Variants in CNTN4 observed in about 807,000 individuals in gnomAD.
CNTN4 encodes contactin-4.
Under a neutral mutation model 122.5 loss-of-function variants are expected in CNTN4, and 77 were observed. The ratio of observed to expected loss-of-function variants is 0.63; its 90% confidence interval spans 0.52 to 0.76. The LOEUF is 0.76. Among genes scored for constraint, CNTN4 ranks in the 30% least tolerant of loss-of-function variants. The probability of loss-of-function intolerance (pLI) is 0.00; values close to 1 mark genes in which losing one functional copy is unlikely to be tolerated. For synonymous variants in CNTN4, 512 were observed against 447.0 expected, an observed-to-expected ratio of 1.15 and a Z score of -1.83; for missense variants, 1,256 against 1,259.1, an observed-to-expected ratio of 1.00 and a Z score of 0.04.
chr3:2,579,930 T>C (rs979966853), intron 4 of CNTN4, among the ~76,000 whole-genome samples: 1 of 152,288 alleles, frequency 6.6e-6, no homozygotes, highest in South Asian at 2.1e-4. Context: ...CTTCAGTGGT[T>C]GAAGGTGTTA....
At chr3:2,610,363 TAA>T (rs1441581382) in intron 4 of CNTN4, among the ~76,000 whole-genome samples, 1 of 152,226 alleles carries the variant, frequency 6.6e-6, no homozygotes, top group African/African-American at 2.4e-5. Context: ...ACACTTTTTC[TAA>T]GTCTTTAGGA....
At chr3:2,668,940 C>T (rs906509714) in intron 4 of CNTN4, among the ~76,000 whole-genome samples, 2 of 152,180 alleles carry the variant, frequency 1.3e-5, no homozygotes, top group Non-Finnish European at 2.9e-5. Flanking sequence ...AGGGATGAAG[C>T]CCACTTGATC....
At chr3:2,254,711 T>C (rs963300070) in intron 2 of CNTN4, among the ~76,000 whole-genome samples, 1 of 152,206 alleles carries the variant, frequency 6.6e-6, no homozygotes, top group Admixed American at 6.5e-5. Flanking sequence ...TCTGTTCATA[T>C]CATTTGCCCA....
At chr3:2,431,962 C>G (rs1022545680) in intron 3 of CNTN4, among the ~76,000 whole-genome samples, 1 of 152,076 alleles carries the variant, frequency 6.6e-6, no homozygotes, top group Non-Finnish European at 1.5e-5. Context: ...AAGAAATAGG[C>G]CAGATTATCT....
intron 4 of CNTN4, among the ~76,000 whole-genome samples, chr3:2,582,229 G>C (rs1194917830): frequency 2.6e-5 from 4 of 152,216 alleles, no homozygotes; most frequent in South Asian, 2.1e-4. Context: ...ACTGTCTGCT[G>C]TCAGGAAGTT....
At chr3:2,636,119 A>G (rs939964522) in intron 4 of CNTN4, among the ~76,000 whole-genome samples, 4 of 152,202 alleles carry the variant, frequency 2.6e-5, no homozygotes, top group South Asian at 2.1e-4. Context: ...TTCCCTGACA[A>G]TACTTGTTGT....
chr3:2,199,896 C>T (rs541904496), intron 2 of CNTN4, among the ~76,000 whole-genome samples: 106 of 152,018 alleles, frequency 7.0e-4, no homozygotes, highest in Middle Eastern at 6.8e-3. Context: ...TGTAGAGACT[C>T]CAAAGTGGCA....
chr3:2,294,138 G>T (rs1478710102), intron 2 of CNTN4, among the ~76,000 whole-genome samples: 1 of 152,170 alleles, frequency 6.6e-6, no homozygotes, highest in Non-Finnish European at 1.5e-5. Context: ...GGTCTCTGGA[G>T]GCCCAGCCTT....
chr3:2,264,066 C>A (rs2040945309), intron 2 of CNTN4, among the ~76,000 whole-genome samples: 1 of 152,146 alleles, frequency 6.6e-6, no homozygotes, highest in Non-Finnish European at 1.5e-5. Context: ...AATAGTGCTG[C>A]AGTAAGCACG....
chr3:2,932,680 A>G (rs1297435291), intron 13 of CNTN4, among the ~76,000 whole-genome samples: 2 of 152,270 alleles, frequency 1.3e-5, no homozygotes, highest in East Asian at 3.9e-4. Flanking sequence ...TCACTGGAGC[A>G]TCTGTTACTG....
At chr3:2,663,241 A>C (rs1211160836) in intron 4 of CNTN4, among the ~76,000 whole-genome samples, 1 of 152,210 alleles carries the variant, frequency 6.6e-6, no homozygotes, top group African/African-American at 2.4e-5. Flanking sequence ...AGAATCAAAA[A>C]AGTGAGTTAA....
intron 2 of CNTN4, among the ~76,000 whole-genome samples, chr3:2,260,592 C>G (rs2040795688): frequency 6.6e-6 from 1 of 152,252 alleles, no homozygotes; most frequent in East Asian, 1.9e-4. Context: ...TGAAAGCTCA[C>G]TCATACAGAT....
At chr3:2,451,462 G>A (rs79638226) in intron 3 of CNTN4, among the ~76,000 whole-genome samples, 2 of 144,416 alleles carry the variant, frequency 1.4e-5, no homozygotes, top group Non-Finnish European at 1.5e-5. Flanking sequence ...AAAAAAAAAA[G>A]AAAAGACAAC....
chr3:2,628,333 G>T (rs2082288432), intron 4 of CNTN4, among the ~76,000 whole-genome samples: 2 of 152,342 alleles, frequency 1.3e-5, no homozygotes, highest in South Asian at 4.1e-4. Flanking sequence ...AGCAGCAGGG[G>T]CAGGAGGCCG....
intron 4 of CNTN4, among the ~76,000 whole-genome samples, chr3:2,590,141 T>A (rs2080397085): frequency 1.3e-5 from 2 of 152,220 alleles, no homozygotes; most frequent in Admixed American, 1.3e-4. Context: ...ACGATTCTGG[T>A]TGGTCTTCCC....
chr3:2,328,721 A>G (rs1312948147), intron 2 of CNTN4, among the ~76,000 whole-genome samples: 1 of 152,226 alleles, frequency 6.6e-6, no homozygotes, highest in African/African-American at 2.4e-5. Context: ...AAATCTATTT[A>G]CATAGCATTT....
At chr3:2,835,067 G>A (rs2150418980) in intron 7 of CNTN4, among the ~76,000 whole-genome samples, 1 of 151,724 alleles carries the variant, frequency 6.6e-6, no homozygotes, top group Admixed American at 6.6e-5. Context: ...ACCACGCCCG[G>A]CTCATTTTTT....
At chr3:2,383,075 C>CA (rs1164660732) in intron 3 of CNTN4, among the ~76,000 whole-genome samples, 5,304 of 120,936 alleles carry the variant, frequency 0.044, 103 homozygotes, top group Non-Finnish European at 0.052. Flanking sequence ...AAATCCATCT[C>CA]AAAAAAAAAA....
chr3:2,895,829 T>A (rs1553684366), intron 10 of CNTN4, among the ~76,000 whole-genome samples: 1 of 152,152 alleles, frequency 6.6e-6, no homozygotes, highest in South Asian at 2.1e-4. Flanking sequence ...GGTCAGGAGA[T>A]CGAGACCATC....
Sources: allele counts gnomAD v4.1 joint callset (sites outside exome capture counted in the v4.1 genomes callset), GRCh38; gene constraint gnomAD v4.1.1; transcripts MANE v1.5; gene names NCBI Gene and HGNC (gene_info 2026-07-23, HGNC 2026-07-21).